The following GRM2 variants were observed in gnomAD, a reference collection of about 807,000 sequenced individuals.
GRM2 encodes the protein glutamate metabotropic receptor 2.
GRM2 carries 35 observed loss-of-function variants against 60.4 expected under a neutral mutation model. The observed-to-expected ratio is 0.58, with a 90% CI of 0.44 to 0.77. The LOEUF (loss-of-function observed/expected upper bound fraction) is 0.77, where lower values mean the gene tolerates loss of function less well. GRM2 is among the 30% of genes least tolerant of loss of function. GRM2 has a pLI of 0.00. For synonymous variants in GRM2, 437 were observed against 484.1 expected, an observed-to-expected ratio of 0.90 and a Z score of 1.28; for missense variants, 925 against 1,199.5, an observed-to-expected ratio of 0.77 and a Z score of 3.38.
In GRM2 at chr3:51,713,328, T is replaced by G; in HGVS notation, c.1288+18T>G. 2 of 1,526,434 alleles carry G rather than the reference T, an allele frequency of 1.3e-6. No homozygotes were observed. The highest frequency in any genetic ancestry group is 1.8e-6 in the Non-Finnish European group (2 of 1,111,574). The allele number at this position is 1,526,434 out of a possible 1,614,324, so 94.6% of individuals were successfully genotyped here. ...GTTTGATGGTAATGGTGTTGGCCAG[T>G]GTCCATTGGCCTGCTGGCTGTCAGA... On this transcript the variant is annotated intron_variant, in intron 3 of 5. Coordinates refer to ENST00000395052, the MANE Select transcript of GRM2 (RefSeq NM_000839.5). The surrounding 1 kb of genome is among the most constrained non-coding windows in gnomAD (Gnocchi z 4.8).
In GRM2 at chr3:51,708,973, C is replaced by T. The variant is rs879028420; in HGVS notation, c.-11C>T. The T allele has an allele frequency of 1.7e-5, 27 of 1,559,772 alleles. No individual in the cohort carries two copies. In the Admixed American group the frequency reaches 4.5e-4, roughly 26 times the overall value. On this transcript the variant is annotated 5_prime_UTR_variant, in exon 2 of 6. Coordinates refer to ENST00000395052, the MANE Select transcript of GRM2 (RefSeq NM_000839.5). Reference sequence around the variant, plus strand: ...CCAGGTCTGCGGGACCCATCCATCCCCTTTGGGGCCATGGGATCGCTGCTT... The same window carrying T: ...CCAGGTCTGCGGGACCCATCCATCCTCTTTGGGGCCATGGGATCGCTGCTT...
Position 51,715,749 on chromosome 3 carries a change from G to A in GRM2, c.1976G>A (p.Arg659His), listed in dbSNP as rs1237497654. ...ALLTKTNRIARIFGGAREGAQ... is the reference protein window; with the variant it reads ...ALLTKTNRIAHIFGGAREGAQ... The stretch of plus-strand genomic sequence containing the variant: ...CTCACCAAGACCAACCGCATTGCAC[G>A]CATCTTCGGTGGGGCCCGGGAGGGT... The change falls in exon 4 of 6, where the codon CGC becomes CAC. Residue 659 changes from arginine (R) to histidine (H), a missense_variant. By Grantham distance (29) the Arg-to-His change is conservative. Transcript: ENST00000395052. The surrounding 1 kb of genome is among the most constrained non-coding windows in gnomAD (Gnocchi z 9.0). The A allele has an allele frequency of 2.5e-6, 4 of 1,613,772 alleles. No individual in the cohort carries two copies. The highest frequency in any genetic ancestry group is 2.2e-5 in the East Asian group (1 of 44,870).
rs1703843264 is a variant in GRM2, at chr3:51,715,033, C to A, written c.1289-29C>A. On this transcript the variant is annotated intron_variant, in intron 3 of 5. Coordinates refer to ENST00000395052, the MANE Select transcript of GRM2 (RefSeq NM_000839.5). This position sits in a 1 kb window ranked among gnomAD's most constrained non-coding sequence, Gnocchi z 9.0. ...ACATCAGGGTAACACACTAGTCCAA[C>A]CTTCTCTTCCTTCCCTCCCCCATCC... 7.1e-7 allele frequency: 1 copy of A among 1,408,730 alleles called. No individual in the cohort carries two copies. The highest frequency in any genetic ancestry group is 9.7e-7 in the Non-Finnish European group (1 of 1,026,806). The allele number at this position is 1,408,730 out of a possible 1,614,324, so 87.3% of individuals were successfully genotyped here.
rs368526510 is a variant in GRM2 at position 51,712,848 on chromosome 3, C to T, written c.826C>T (p.Arg276Trp). The change falls in exon 3 of 6, where the codon CGG becomes TGG. Residue 276 changes from arginine (R) to tryptophan (W), a missense_variant. By Grantham distance (101) the Arg-to-Trp change is moderately radical. Transcript: ENST00000395052. This position sits in a 1 kb window ranked among gnomAD's most constrained non-coding sequence, Gnocchi z 5.3. ...CCTGTTCACCCGTTCTGAGGATGCC[C>T]GGGAGCTGCTTGCTGCCAGCCAGCG... ...AVLFTRSEDA[R>W]ELLAASQRLN... is the part of the protein sequence containing the mutation. The T allele has an allele frequency of 2.0e-5, 32 of 1,612,782 alleles. No individual in the cohort carries two copies. Among genetic ancestry groups the T allele is most frequent in the Admixed American group, 3.3e-5 (2 of 60,008 alleles).
At position 51,708,837 on chromosome 3, in the gene GRM2, T is replaced by A; in HGVS notation, c.-136-11T>A. 1 of 587,040 alleles carries A rather than the reference T, an allele frequency of 1.7e-6. No homozygotes were observed. Among genetic ancestry groups the A allele is most frequent in the East Asian group, 2.8e-5 (1 of 35,170 alleles). The allele number at this position is 587,040 out of a possible 1,614,324, so 36.4% of individuals were successfully genotyped here. A position where few individuals can be genotyped will look rare whatever the true frequency, so the allele number is the denominator to read the frequency against. On this transcript the variant is annotated splice_polypyrimidine_tract_variant and intron_variant, in intron 1 of 5. Coordinates refer to ENST00000395052, the MANE Select transcript of GRM2 (RefSeq NM_000839.5). The stretch of plus-strand genomic sequence containing the variant: ...CCTGGTCTGTTTTTCTGTCTTTCTA[T>A]CTCTCTGCAGGAGCTGGGTCCCTTC...
At position 51,713,229 on chromosome 3, in the gene GRM2, AC is replaced by A. The variant is rs1703783931; in HGVS notation, c.1209del (p.Thr404ProfsTer75). The A allele has an allele frequency of 1.2e-6, 2 of 1,612,964 alleles. No homozygotes were observed. The highest frequency in any genetic ancestry group is 1.7e-6 in the Non-Finnish European group (2 of 1,179,996). On this transcript the variant is annotated frameshift_variant, in exon 3 of 6. Coordinates refer to ENST00000395052, the MANE Select transcript of GRM2 (RefSeq NM_000839.5). LOFTEE classifies it high-confidence loss of function. This position sits in a 1 kb window ranked among gnomAD's most constrained non-coding sequence, Gnocchi z 4.8. ...HNMHRALCPN[T>X]TRLCDAMRPV... ...CATGCACCGTGCCCTCTGCCCCAAC[AC>A]CACCCGGCTCTGTGACGCGATGCGG...
At chr3:51,711,305 CG>C (rs1344885527) in intron 2 of GRM2, 1 of 152,466 alleles carries the variant, frequency 6.6e-6, no homozygotes, top group Non-Finnish European at 1.5e-5. Flanking sequence ...TCTGCAGCCC[CG>C]GGTTGGGGCA....
Position 51,715,014 on chromosome 3 carries a change from G to C in GRM2, c.1289-48G>C. On this transcript the variant is annotated intron_variant, in intron 3 of 5. Coordinates refer to ENST00000395052, the MANE Select transcript of GRM2 (RefSeq NM_000839.5). The surrounding 1 kb of genome is among the most constrained non-coding windows in gnomAD (Gnocchi z 9.0). ...TAGGGTGAATGTTGAGGTCACATCAGGGTAACACACTAGTCCAACCTTCTC... is the reference window on the plus strand; with the variant it reads ...TAGGGTGAATGTTGAGGTCACATCACGGTAACACACTAGTCCAACCTTCTC... The C allele has an allele frequency of 8.3e-7, 1 of 1,206,052 alleles. No homozygotes were observed. The highest frequency in any genetic ancestry group is 1.2e-6 in the Non-Finnish European group (1 of 844,616). 74.7% of individuals were successfully genotyped at this position (1,206,052 alleles called of 1,614,324 possible).
rs1474925689 is a variant in GRM2, at chr3:51,708,832, T to G, written c.-136-16T>G. ...CTTTTCCTGGTCTGTTTTTCTGTCT[T>G]TCTATCTCTCTGCAGGAGCTGGGTC... On this transcript the variant is annotated splice_polypyrimidine_tract_variant and intron_variant, in intron 1 of 5. Transcript: ENST00000395052. 5.2e-6 allele frequency: 3 copies of G among 580,588 alleles called. No individual in the cohort carries two copies. Among genetic ancestry groups the G allele is most frequent in the Non-Finnish European group, 8.8e-6 (3 of 339,924 alleles). The allele number at this position is 580,588 out of a possible 1,614,324, so 36.0% of individuals were successfully genotyped here. A position where few individuals can be genotyped will look rare whatever the true frequency, so the allele number is the denominator to read the frequency against.
In GRM2 at chr3:51,709,091, G is replaced by T; in HGVS notation, c.108G>T (p.Gly36=). The part of the protein sequence containing the change: ...LTLEGDLVLG[G]LFPVHQKGGP... ...TGGAGGGAGACTTGGTGCTGGGTGGGCTGTTCCCAGTGCACCAGAAGGGCG... is the reference window on the plus strand; with the variant it reads ...TGGAGGGAGACTTGGTGCTGGGTGGTCTGTTCCCAGTGCACCAGAAGGGCG... Residue 36 remains glycine, a synonymous_variant, in exon 2 of 6, where the codon GGG becomes GGT. Coordinates refer to ENST00000395052, the MANE Select transcript of GRM2 (RefSeq NM_000839.5). 6.2e-7 allele frequency: 1 copy of T among 1,609,952 alleles called. No homozygotes were observed. The highest frequency in any genetic ancestry group is 8.5e-7 in the Non-Finnish European group (1 of 1,177,198).
rs149853208 is a variant in GRM2 at position 51,717,704 on chromosome 3, C to T, written c.2432C>T (p.Ala811Val). 1.3e-5 allele frequency: 21 copies of T among 1,614,030 alleles called. No homozygotes were observed. The Middle Eastern group carries it at 5.0e-4, about 38-fold the overall frequency. Residue 811 changes from alanine (A) to valine (V), a missense_variant, in exon 5 of 6, where the codon GCG becomes GTG. Physicochemically the swap from Ala to Val is moderately conservative, Grantham distance 64 (BLOSUM62 0). Transcript: ENST00000395052. This position sits in a 1 kb window ranked among gnomAD's most constrained non-coding sequence, Gnocchi z 6.0. Reference protein sequence around the residue: ...SGSVVLGCLFAPKLHIILFQP... With the variant: ...SGSVVLGCLFVPKLHIILFQP... ...TCCGTGGTGCTTGGCTGCCTCTTTG[C>T]GCCCAAGCTGCACATCATCCTCTTC... is the stretch of plus-strand genomic sequence containing the variant.
At position 51,712,243 on chromosome 3, in the gene GRM2, C is replaced by G. The variant is rs1014745496; in HGVS notation, c.451-230C>G. ...AGAGGGGATCAGGTGTGGCTCATGA[C>G]CCTGGTGTCTCCACCCTGGGTCTTC... is the stretch of plus-strand genomic sequence containing the variant. On this transcript the variant is annotated intron_variant, in intron 2 of 5. Coordinates refer to ENST00000395052, the MANE Select transcript of GRM2 (RefSeq NM_000839.5). This position sits in a 1 kb window ranked among gnomAD's most constrained non-coding sequence, Gnocchi z 5.3. 4.6e-5 allele frequency among the ~76,000 whole-genome samples: 7 copies of G among 152,144 alleles called. No individual in the cohort carries two copies. The highest frequency in any genetic ancestry group is 1.7e-4 in the African/African-American group (7 of 41,412).
Position 51,713,255 on chromosome 3 carries a change from G to C in GRM2, c.1233G>C (p.Arg411=), listed in dbSNP as rs1421017924. ...PNTTRLCDAM[R]PVNGRRLYKD... ...CCACCCGGCTCTGTGACGCGATGCG[G>C]CCAGTTAACGGGCGCCGCCTCTACA... The change falls in exon 3 of 6, where the codon CGG becomes CGC. Residue 411 remains arginine, a synonymous_variant. Transcript: ENST00000395052. This position sits in a 1 kb window ranked among gnomAD's most constrained non-coding sequence, Gnocchi z 4.8. 1 of 1,612,954 alleles carries C rather than the reference G, an allele frequency of 6.2e-7. No individual in the cohort carries two copies. Among genetic ancestry groups the C allele is most frequent in the Non-Finnish European group, 8.5e-7 (1 of 1,179,954 alleles).
At position 51,713,390 on chromosome 3, in the gene GRM2, T is replaced by A; in HGVS notation, c.1288+80T>A. ...AGCAGAACTTCAGCTTCCATTCCTTTGCTAAGGAAACAGTAGAGTGAAAGT... is the reference window on the plus strand; with the variant it reads ...AGCAGAACTTCAGCTTCCATTCCTTAGCTAAGGAAACAGTAGAGTGAAAGT... On this transcript the variant is annotated intron_variant, in intron 3 of 5. Transcript: ENST00000395052. This position sits in a 1 kb window ranked among gnomAD's most constrained non-coding sequence, Gnocchi z 4.8. The A allele has an allele frequency of 3.0e-6, 3 of 1,001,764 alleles. No individual in the cohort carries two copies. The highest frequency in any genetic ancestry group is 3.0e-6 in the Non-Finnish European group (2 of 673,448). The allele number at this position is 1,001,764 out of a possible 1,614,324, so 62.1% of individuals were successfully genotyped here. A position where few individuals can be genotyped will look rare whatever the true frequency, so the allele number is the denominator to read the frequency against.
Position 51,712,797 on chromosome 3 carries a change from C to T in GRM2, c.775C>T (p.Gln259Ter). The change falls in exon 3 of 6, where the codon CAG becomes TAG. Residue 259 changes from glutamine to a stop codon, truncating the protein, a stop_gained. Coordinates refer to ENST00000395052, the MANE Select transcript of GRM2 (RefSeq NM_000839.5). LOFTEE classifies it high-confidence loss of function. This position sits in a 1 kb window ranked among gnomAD's most constrained non-coding sequence, Gnocchi z 5.3. Reference protein sequence around the residue: ...AFEGVVRALLQKPSARVAVLF... With the variant: ...AFEGVVRALL ...TGAGGGTGTGGTGCGAGCCCTGCTG[C>T]AGAAGCCCAGTGCCCGCGTGGCTGT... The T allele has an allele frequency of 6.2e-7, 1 of 1,613,036 alleles. No individual in the cohort carries two copies. The highest frequency in any genetic ancestry group is 8.5e-7 in the Non-Finnish European group (1 of 1,180,036).
chr3:51,708,718 A>T (rs556067863), intron 1 of GRM2, 130 bp from the exon 2 acceptor site: 2 of 424,782 alleles, frequency 4.7e-6, no homozygotes, highest in South Asian at 9.8e-5. Flanking sequence ...ACTTAATGAC[A>T]CCATCCTGTC....
chr3:51,707,465 G>T, intron 1 of GRM2: 1 of 153,810 alleles, frequency 6.5e-6, no homozygotes, highest in Non-Finnish European at 1.5e-5. Flanking sequence ...CTCGCTCCCT[G>T]CCCAGATTTT....
chr3:51,712,081 A>G lies in GRM2; in HGVS notation c.451-392A>G, dbSNP rs1703729971. On this transcript the variant is annotated intron_variant, in intron 2 of 5. Transcript: ENST00000395052. The surrounding 1 kb of genome is among the most constrained non-coding windows in gnomAD (Gnocchi z 5.3). ...TCAGGGGAAGGGCCACCTACCCTCAAATAAGTAGAGAGCCGAAGAGCCCTG... is the reference window on the plus strand; with the variant it reads ...TCAGGGGAAGGGCCACCTACCCTCAGATAAGTAGAGAGCCGAAGAGCCCTG... Among the ~76,000 whole-genome samples the G allele has an allele frequency of 6.6e-6, 1 of 152,130 alleles. No homozygotes were observed. Among genetic ancestry groups the G allele is most frequent in the Non-Finnish European group, 1.5e-5 (1 of 68,004 alleles).
rs1190044104 is a variant in GRM2 at position 51,715,932 on chromosome 3, G to A, written c.2159G>A (p.Arg720His). Residue 720 changes from arginine (R) to histidine (H), a missense_variant, in exon 4 of 6, where the codon CGC becomes CAC. Arg to His is a conservative substitution (Grantham distance 29, BLOSUM62 0). Transcript: ENST00000395052. The surrounding 1 kb of genome is among the most constrained non-coding windows in gnomAD (Gnocchi z 9.0). ...GAACGGCGGGAGGTGGTGACACTGC[G>A]CTGCAACCACCGCGATGCAAGTATG... is the stretch of plus-strand genomic sequence containing the variant. ...APERREVVTL[R>H]CNHRDASMLG... 5.6e-6 allele frequency: 9 copies of A among 1,613,660 alleles called. No homozygotes were observed. The highest frequency in any genetic ancestry group is 3.3e-5 in the Admixed American group (2 of 60,012).
Sources: allele counts gnomAD v4.1 joint callset (sites outside exome capture counted in the v4.1 genomes callset), GRCh38; gene constraint gnomAD v4.1.1; non-coding constraint Gnocchi (gnomAD v3.1); transcripts MANE v1.5; gene names NCBI Gene and HGNC (gene_info 2026-07-23, HGNC 2026-07-21).